SIM1: variants seen among roughly 807,000 people sequenced by gnomAD.
The protein encoded by SIM1 is single-minded homolog 1.
Under a neutral mutation model 78.2 loss-of-function variants are expected in SIM1, and 18 were observed. The ratio of observed to expected loss-of-function variants is 0.23; its 90% CI spans 0.16 to 0.34. The LOEUF is 0.34. Among genes scored for constraint, SIM1 ranks in the 10% least tolerant of loss-of-function variants. The probability of loss-of-function intolerance (pLI) is 1.00; values close to 1 mark genes in which losing one functional copy is unlikely to be tolerated. For missense variants in SIM1, 939 were observed against 975.1 expected (o/e 0.96, Z 0.49); for synonymous variants, 417 against 385.2 (o/e 1.08, Z -0.97).
chr6:100,456,169 G>C (rs371549202), intron 2 of SIM1, among the ~76,000 whole-genome samples: 1 of 151,988 alleles, frequency 6.6e-6, no homozygotes, highest in Non-Finnish European at 1.5e-5. Context: ...GGCTACTCTC[G>C]TCTACCTGCC....
intron 7 of SIM1, 47 bp downstream of exon 7, chr6:100,448,432 G>C: frequency 3.2e-6 from 5 of 1,582,510 alleles, no homozygotes; most frequent in Non-Finnish European, 4.3e-6. Flanking sequence ...CACTAAGCAG[G>C]GCCGCCCTCA....
At chr6:100,408,050 T>C (rs965498546) in intron 10 of SIM1, among the ~76,000 whole-genome samples, 13 of 152,148 alleles carry the variant, frequency 8.5e-5, no homozygotes, top group Non-Finnish European at 5.9e-5. Context: ...TGAAACATCA[T>C]TATCAAGACC....
chr6:100,391,944 G>A (rs1770649792), intron 11 of SIM1, among the ~76,000 whole-genome samples: 1 of 152,114 alleles, frequency 6.6e-6, no homozygotes, highest in Admixed American at 6.5e-5. Flanking sequence ...AGGCCCAGGT[G>A]GATGGATTAC....
rs578109062 is a variant in SIM1, at chr6:100,387,391, G to A, written c.*2970C>T. ...GACACAGATGACATCTTCATTATGAGGAAATATGTTGCTGCACAGAACAAA... is the reference window on the plus strand; with the variant it reads ...GACACAGATGACATCTTCATTATGAAGAAATATGTTGCTGCACAGAACAAA... On this transcript the variant is annotated 3_prime_UTR_variant, in exon 12 of 12. Transcript: ENST00000369208. 6.6e-6 allele frequency: 1 copy of A among 152,050 alleles called. No homozygotes were observed. The highest frequency in any genetic ancestry group is 1.9e-4 in the East Asian group (1 of 5,176). The allele number at this position is 152,050 out of a possible 1,614,324, so 9.4% of individuals were successfully genotyped here.
At chr6:100,434,455 C>T (rs1771988538) in intron 9 of SIM1, among the ~76,000 whole-genome samples, 1 of 152,208 alleles carries the variant, frequency 6.6e-6, no homozygotes, top group Non-Finnish European at 1.5e-5. Flanking sequence ...TTGCCTGTCG[C>T]TTGTTTGGAC....
At chr6:100,460,519 C>A (rs191122310) in intron 2 of SIM1, among the ~76,000 whole-genome samples, 32 of 152,294 alleles carry the variant, frequency 2.1e-4, no homozygotes, top group Admixed American at 5.9e-4. Flanking sequence ...TGTGATAAGA[C>A]ACTTATACCT....
chr6:100,442,448 G>C (rs1020272331), intron 9 of SIM1, among the ~76,000 whole-genome samples: 3 of 152,046 alleles, frequency 2.0e-5, no homozygotes, highest in African/African-American at 7.2e-5. Flanking sequence ...AAGAACAACT[G>C]TGACTCTGAT....
chr6:100,432,952 T>C (rs1048424972), intron 9 of SIM1, among the ~76,000 whole-genome samples: 1 of 152,176 alleles, frequency 6.6e-6, no homozygotes, highest in Non-Finnish European at 1.5e-5. Context: ...GGCTAAAAAA[T>C]CTAGGTGTTG....
At chr6:100,416,710 C>T (rs1024711105) in intron 10 of SIM1, among the ~76,000 whole-genome samples, 4 of 152,130 alleles carry the variant, frequency 2.6e-5, no homozygotes, top group Non-Finnish European at 4.4e-5. Flanking sequence ...ATATGTGTGT[C>T]AATAACTACT....
rs1772911234 is a variant in SIM1, at chr6:100,463,631, A to G, written c.-163T>C. 3.2e-6 allele frequency: 2 copies of G among 625,520 alleles called. No individual in the cohort carries two copies. Among genetic ancestry groups the G allele is most frequent in the Admixed American group, 5.3e-5 (2 of 37,866 alleles). 38.7% of individuals were successfully genotyped at this position (625,520 alleles called of 1,614,324 possible). ...CAAGAACAGTGTATTGATGGCAGTA[A>G]AAGACCAGCGGGGGTGAACGGAAAA... On this transcript the variant is annotated 5_prime_UTR_variant, in exon 2 of 12. Coordinates refer to ENST00000369208, the MANE Select transcript of SIM1 (RefSeq NM_005068.3).
At chr6:100,450,175 G>A in intron 4 of SIM1, 92 bp downstream of exon 4, 1 of 999,344 alleles carries the variant, frequency 1.0e-6, no homozygotes, top group Non-Finnish European at 1.6e-6. Context: ...CAGGTTTAGA[G>A]AAGCACACCC....
At chr6:100,396,348 C>G (rs773773759) in intron 10 of SIM1, among the ~76,000 whole-genome samples, 9 of 151,936 alleles carry the variant, frequency 5.9e-5, no homozygotes, top group Non-Finnish European at 1.2e-4. Flanking sequence ...CTTTTGAGCC[C>G]TGTTAAGAGG....
chr6:100,401,863 C>A (rs1770923937), intron 10 of SIM1, among the ~76,000 whole-genome samples: 1 of 152,122 alleles, frequency 6.6e-6, no homozygotes, highest in Non-Finnish European at 1.5e-5. Flanking sequence ...TCGTTTAAAT[C>A]TTTGTTTTTA....
At chr6:100,393,393 A>G in intron 11 of SIM1, 94 bp downstream of exon 11, 2 of 1,076,490 alleles carry the variant, frequency 1.9e-6, no homozygotes, top group Non-Finnish European at 2.5e-6. Flanking sequence ...ATCAAAGAAG[A>G]TAACTATTTG....
At chr6:100,431,284 T>C (rs1463404098) in intron 9 of SIM1, among the ~76,000 whole-genome samples, 3 of 152,228 alleles carry the variant, frequency 2.0e-5, no homozygotes, top group African/African-American at 7.2e-5. Context: ...TCTTTACAGT[T>C]GCTGTGCAAA....
chr6:100,391,089 G>T lies in SIM1; in HGVS notation c.1573C>A (p.Arg525=), dbSNP rs763060645. ...ACACTATCTTCATCCCAATGACCTC[G>T]CCCTAAAAATTAGAAAAAGTCAAAA... The part of the protein sequence containing the change: ...HIASVHRIHG[R]GHWDEDSVVS... The change falls in exon 12 of 12, where the codon CGA becomes AGA. Residue 525 remains arginine (R), a splice_region_variant and synonymous_variant. Transcript: ENST00000369208. The T allele has an allele frequency of 6.4e-7, 1 of 1,565,154 alleles. No homozygotes were observed. The highest frequency in any genetic ancestry group is 1.4e-5 in the African/African-American group (1 of 72,442).
intron 10 of SIM1, among the ~76,000 whole-genome samples, chr6:100,419,697 A>G (rs1190647312): frequency 1.3e-5 from 2 of 152,090 alleles, no homozygotes; most frequent in Non-Finnish European, 2.9e-5. Flanking sequence ...CCTGGAGTGC[A>G]ATGGTGCGAT....
intron 11 of SIM1, 65 bp from the exon 12 acceptor site, chr6:100,391,156 C>G: frequency 6.8e-7 from 1 of 1,473,924 alleles, no homozygotes; most frequent in Non-Finnish European, 9.0e-7. Context: ...AGTATATTTC[C>G]TTTACCTATT....
intron 2 of SIM1, among the ~76,000 whole-genome samples, chr6:100,462,221 C>A (rs1772874630): frequency 6.6e-6 from 1 of 152,166 alleles, no homozygotes; most frequent in African/African-American, 2.4e-5. Flanking sequence ...GGGGTCAAAT[C>A]AGAAGTTCTC....
Sources: allele counts gnomAD v4.1 joint callset (sites outside exome capture counted in the v4.1 genomes callset), GRCh38; gene constraint gnomAD v4.1.1; transcripts MANE v1.5; gene names NCBI Gene and HGNC (gene_info 2026-07-23, HGNC 2026-07-21).